The following LHFPL3 variants were observed in gnomAD, a reference collection of about 807,000 sequenced individuals.
The protein encoded by LHFPL3 is LHFPL tetraspan subfamily member 3.
Under a neutral mutation model 19.3 loss-of-function variants are expected in LHFPL3, and 5 were observed. The ratio of observed to expected loss-of-function variants is 0.26; its 90% CI spans 0.14 to 0.54. The LOEUF (loss-of-function observed/expected upper bound fraction) is 0.54. Ranked by LOEUF, LHFPL3 falls within the 20% of genes least tolerant of loss-of-function variation. The pLI, the probability that LHFPL3 is intolerant of heterozygous loss-of-function variation, is 0.94. For missense variants in LHFPL3, 249 were observed against 307.4 expected, an observed-to-expected ratio of 0.81 and a Z score of 1.42; for synonymous variants, 133 against 126.2, an observed-to-expected ratio of 1.05 and a Z score of -0.36.
intron 1 of LHFPL3, among the ~76,000 whole-genome samples, chr7:104,724,616 G>C (rs920042837): frequency 3.9e-5 from 6 of 152,122 alleles, no homozygotes; most frequent in Non-Finnish European, 8.8e-5. Context: ...GAGGGTGGAG[G>C]GTGGGAGGAG....
intron 1 of LHFPL3, among the ~76,000 whole-genome samples, chr7:104,632,319 G>T (rs1277062500): frequency 1.3e-5 from 2 of 152,088 alleles, no homozygotes; most frequent in East Asian, 3.9e-4. Context: ...TAATTAAGTT[G>T]CATAGGACCA....
chr7:104,841,299 A>G (rs1323882805), intron 2 of LHFPL3, among the ~76,000 whole-genome samples: 1 of 152,130 alleles, frequency 6.6e-6, no homozygotes, highest in East Asian at 1.9e-4. Context: ...AGACATGACT[A>G]TGTAGCTAAG....
intron 1 of LHFPL3, among the ~76,000 whole-genome samples, chr7:104,508,465 G>C (rs1227263533): frequency 7.9e-6 from 1 of 126,404 alleles, no homozygotes; most frequent in Non-Finnish European, 1.6e-5. Context: ...ATTGTGGGGT[G>C]GGGGGAGGGG....
At chr7:104,716,114 C>T (rs1038550125) in intron 1 of LHFPL3, among the ~76,000 whole-genome samples, 3 of 151,846 alleles carry the variant, frequency 2.0e-5, no homozygotes, top group South Asian at 2.1e-4. Flanking sequence ...TTTGGGAGGC[C>T]GAGGAGGGTG....
At chr7:104,465,105 A>G (rs537824468) in intron 1 of LHFPL3, among the ~76,000 whole-genome samples, 2 of 151,862 alleles carry the variant, frequency 1.3e-5, no homozygotes, top group Non-Finnish European at 2.9e-5. Context: ...GTCTTTTTGC[A>G]TAGCAAGAAT....
chr7:104,512,072 A>G (rs1793826829), intron 1 of LHFPL3, among the ~76,000 whole-genome samples: 1 of 149,608 alleles, frequency 6.7e-6, no homozygotes, highest in Non-Finnish European at 1.5e-5. Context: ...CTCATACCTC[A>G]GCCACCTGAA....
chr7:104,867,977 C>T (rs1164160726), intron 2 of LHFPL3, among the ~76,000 whole-genome samples: 1 of 152,130 alleles, frequency 6.6e-6, no homozygotes, highest in Non-Finnish European at 1.5e-5. Context: ...ACGACAAAAA[C>T]CATATGATTA....
chr7:104,820,639 A>C (rs530013962), intron 2 of LHFPL3, among the ~76,000 whole-genome samples: 6 of 152,266 alleles, frequency 3.9e-5, no homozygotes, highest in South Asian at 2.1e-4. Flanking sequence ...GCATCCTCTC[A>C]GTATCACAAA....
intron 2 of LHFPL3, among the ~76,000 whole-genome samples, chr7:104,812,191 T>C (rs1790481708): frequency 6.6e-6 from 1 of 152,184 alleles, no homozygotes; most frequent in South Asian, 2.1e-4. Flanking sequence ...AAAGTCTCCA[T>C]CTGAACTTCA....
chr7:104,386,069 G>A (rs925987488), intron 1 of LHFPL3, among the ~76,000 whole-genome samples: 1 of 152,080 alleles, frequency 6.6e-6, no homozygotes, highest in African/African-American at 2.4e-5. Context: ...ATTTTTACTT[G>A]TCCTATTCCC....
chr7:104,884,547 T>C (rs865924078), intron 2 of LHFPL3, among the ~76,000 whole-genome samples: 6 of 146,888 alleles, frequency 4.1e-5, no homozygotes, highest in South Asian at 2.2e-4. Flanking sequence ...ACTTCTGATA[T>C]AGTCTTAGTA....
chr7:104,473,696 G>C, intron 1 of LHFPL3, among the ~76,000 whole-genome samples: 1 of 149,366 alleles, frequency 6.7e-6, no homozygotes, highest in African/African-American at 2.6e-5. Flanking sequence ...TCTATCTGAT[G>C]GGGCTGGTGT....
At position 104,906,463 on chromosome 7, in the gene LHFPL3, G is replaced by T. The variant is rs560230596; in HGVS notation, c.*248G>T. 2.0e-6 allele frequency: 1 copy of T among 505,200 alleles called. No individual in the cohort carries two copies. The highest frequency in any genetic ancestry group is 3.6e-5 in the South Asian group (1 of 27,484). 31.3% of individuals were successfully genotyped at this position (505,200 alleles called of 1,614,324 possible). A position where few individuals can be genotyped will look rare whatever the true frequency, so the allele number is the denominator to read the frequency against. The stretch of plus-strand genomic sequence containing the variant: ...AACACCAGCTCATTGGAAACTCATT[G>T]GATGAGATCAGAAAACGTTCATGAA... On this transcript the variant is annotated 3_prime_UTR_variant, in exon 3 of 3. Coordinates refer to ENST00000424859, the MANE Select transcript of LHFPL3 (RefSeq NM_199000.3).
chr7:104,660,503 G>T (rs191799537), intron 1 of LHFPL3, among the ~76,000 whole-genome samples: 40 of 152,324 alleles, frequency 2.6e-4, no homozygotes, highest in African/African-American at 9.6e-4. Flanking sequence ...ATGTCACGTT[G>T]TCTATTTCTA....
chr7:104,756,900 C>T (rs11561986), intron 2 of LHFPL3, among the ~76,000 whole-genome samples: 29,793 of 152,088 alleles, frequency 0.2, 3,511 homozygotes, highest in South Asian at 0.44. Context: ...CTACTGTGTG[C>T]GTAAAATATC....
At position 104,452,478 on chromosome 7, in the gene LHFPL3, G is replaced by C. The variant is rs1792459647; in HGVS notation, c.445+123254G>C. Among the ~76,000 whole-genome samples the C allele has an allele frequency of 3.3e-5, 5 of 151,916 alleles. No individual in the cohort carries two copies. The South Asian group carries it at 1.0e-3, about 32-fold the overall frequency. ...GTCCAAGGGCTTGCCCATTTTAAAGGCATTTTATATTTTTTATTGCTAAAA... is the reference window on the plus strand; with the variant it reads ...GTCCAAGGGCTTGCCCATTTTAAAGCCATTTTATATTTTTTATTGCTAAAA... On this transcript the variant is annotated intron_variant, in intron 1 of 2. Coordinates refer to ENST00000424859, the MANE Select transcript of LHFPL3 (RefSeq NM_199000.3).
chr7:104,352,362 A>G (rs1790194518), intron 1 of LHFPL3, among the ~76,000 whole-genome samples: 1 of 152,202 alleles, frequency 6.6e-6, no homozygotes, highest in Non-Finnish European at 1.5e-5. Flanking sequence ...TAAAATTCTT[A>G]GAATACTACC....
intron 2 of LHFPL3, among the ~76,000 whole-genome samples, chr7:104,843,540 T>C (rs973435043): frequency 5.9e-5 from 9 of 152,198 alleles, no homozygotes; most frequent in African/African-American, 2.2e-4. Flanking sequence ...TCATTTGAAA[T>C]GGTGTTTCTG....
At chr7:104,679,752 A>G (rs1311722933) in intron 1 of LHFPL3, among the ~76,000 whole-genome samples, 1 of 152,184 alleles carries the variant, frequency 6.6e-6, no homozygotes, top group Non-Finnish European at 1.5e-5. Flanking sequence ...TGTGAGATCA[A>G]AAGTCAAAAA....
Sources: allele counts gnomAD v4.1 joint callset (sites outside exome capture counted in the v4.1 genomes callset), GRCh38; gene constraint gnomAD v4.1.1; transcripts MANE v1.5; gene names NCBI Gene and HGNC (gene_info 2026-07-23, HGNC 2026-07-21).